ABCB5: variants seen among roughly 807,000 people sequenced by gnomAD.
ABCB5 encodes ATP binding cassette subfamily B member 5, also known as ATP-binding cassette sub-family B member 5.
A neutral mutation model predicts 144.2 loss-of-function variants in ABCB5; 155 were observed. The observed-to-expected ratio is 1.08, with a 90% CI of 0.94 to 1.23. ABCB5 has a LOEUF of 1.23. Among genes scored for constraint, ABCB5 ranks in the 50% most tolerant of loss-of-function variants. ABCB5 has a pLI of 0.00. For missense variants in ABCB5, 1,830 were observed against 1,520.8 expected (o/e 1.20, Z -3.38); for synonymous variants, 610 against 528.6 (o/e 1.15, Z -2.11).
intron 19 of ABCB5, among the ~76,000 whole-genome samples, chr7:20,703,607 A>G (rs1786707261): frequency 1.7e-5 from 1 of 58,206 alleles, no homozygotes; most frequent in African/African-American, 5.1e-5. Context: ...GGGTTGCAGT[A>G]AGCCAAGATT....
At chr7:20,665,436 T>C (rs1033522108) in intron 14 of ABCB5, among the ~76,000 whole-genome samples, 9 of 152,144 alleles carry the variant, frequency 5.9e-5, no homozygotes, top group African/African-American at 2.2e-4. Flanking sequence ...CACAGTCAGG[T>C]AGTTAAGAAA....
intron 1 of ABCB5, among the ~76,000 whole-genome samples, chr7:20,622,301 G>A (rs1044040057): frequency 3.3e-5 from 5 of 152,090 alleles, no homozygotes; most frequent in African/African-American, 7.2e-5. Flanking sequence ...TCAGATTACT[G>A]GAGATGGTGT....
At chr7:20,731,170 T>C (rs1055264593) in intron 23 of ABCB5, among the ~76,000 whole-genome samples, 4 of 151,726 alleles carry the variant, frequency 2.6e-5, no homozygotes, top group Middle Eastern at 3.2e-3. Flanking sequence ...CTGGCCAACA[T>C]GGTGAAACCC....
At chr7:20,636,665 G>A (rs1235593183) in intron 5 of ABCB5, among the ~76,000 whole-genome samples, 1 of 150,996 alleles carries the variant, frequency 6.6e-6, no homozygotes, top group East Asian at 2.0e-4. Flanking sequence ...GGCACCTGTA[G>A]TCCCAGCTAC....
chr7:20,728,194 A>C, intron 22 of ABCB5, 121 bp from the exon 23 acceptor site: 1 of 1,240,158 alleles, frequency 8.1e-7, no homozygotes, highest in African/African-American at 1.5e-5. Flanking sequence ...TCATCATTCG[A>C]AAAATGCCTT....
chr7:20,648,900 G>C (rs901152566), intron 11 of ABCB5, among the ~76,000 whole-genome samples: 3 of 152,018 alleles, frequency 2.0e-5, no homozygotes, highest in African/African-American at 4.8e-5. Flanking sequence ...TATTGGTATA[G>C]TATTGACTTC....
At chr7:20,749,995 C>A (rs1782866456) in intron 26 of ABCB5, among the ~76,000 whole-genome samples, 1 of 152,078 alleles carries the variant, frequency 6.6e-6, no homozygotes, top group African/African-American at 2.4e-5. Context: ...AGGTAAAAAG[C>A]TGGCACTTAA....
In ABCB5 at chr7:20,727,850, C is replaced by T. The variant is rs1003132615; in HGVS notation, c.2727-465C>T. 3.1e-5 allele frequency among the ~76,000 whole-genome samples: 4 copies of T among 128,482 alleles called. No individual in the cohort carries two copies. The East Asian group carries it at 1.4e-3, about 45-fold the overall frequency. The allele number at this position is 128,482 out of a possible 152,430, so 84.3% of individuals were successfully genotyped here. Reference sequence around the variant, plus strand: ...AAACTAGTCCTCCTTATCACATTGACTTAGTGATGCTTTTTATATTACTTT... The same window carrying T: ...AAACTAGTCCTCCTTATCACATTGATTTAGTGATGCTTTTTATATTACTTT... On this transcript the variant is annotated intron_variant, in intron 22 of 27. Coordinates refer to ENST00000404938, the MANE Select transcript of ABCB5 (RefSeq NM_001163941.2).
intron 5 of ABCB5, among the ~76,000 whole-genome samples, chr7:20,635,664 T>C (rs1784142347): frequency 1.3e-5 from 2 of 152,112 alleles, no homozygotes; most frequent in Admixed American, 6.6e-5. Flanking sequence ...TTTGTAGCTA[T>C]TGTAAATGGG....
At chr7:20,638,009 G>A (rs1043228678) in intron 5 of ABCB5, among the ~76,000 whole-genome samples, 2 of 152,166 alleles carry the variant, frequency 1.3e-5, no homozygotes, top group African/African-American at 4.8e-5. Context: ...ATCCCAGGTA[G>A]TTTGGGAGTC....
chr7:20,653,270 ATAAAT>A (rs950865278), intron 13 of ABCB5, among the ~76,000 whole-genome samples: 1 of 152,222 alleles, frequency 6.6e-6, no homozygotes, highest in African/African-American at 2.4e-5. Flanking sequence ...TATAACCAAA[ATAAAT>A]TAAAGATAGT....
intron 20 of ABCB5, among the ~76,000 whole-genome samples, chr7:20,715,491 A>C (rs77431988): frequency 0.028 from 4,300 of 151,910 alleles, 181 homozygotes; most frequent in African/African-American, 0.094. Flanking sequence ...GTTCACTGCA[A>C]CCTCAAACTC....
chr7:20,661,916 C>T (rs1785016661), intron 14 of ABCB5, among the ~76,000 whole-genome samples: 6 of 152,138 alleles, frequency 3.9e-5, no homozygotes, highest in Admixed American at 3.9e-4. Context: ...AGAAGAATTT[C>T]TAGCGTCAGT....
chr7:20,619,718 A>G (rs1221720488), intron 1 of ABCB5, among the ~76,000 whole-genome samples: 1 of 152,138 alleles, frequency 6.6e-6, no homozygotes. Context: ...TTCTGTCACA[A>G]TTGCTTTGAG....
intron 2 of ABCB5, 134 bp downstream of exon 2, chr7:20,623,472 A>G (rs1783842894): frequency 2.8e-6 from 2 of 714,542 alleles, no homozygotes; most frequent in Admixed American, 5.6e-5. Context: ...CTGAACTTGA[A>G]CATAAGCAGT....
At position 20,658,677 on chromosome 7, in the gene ABCB5, G is replaced by T; in HGVS notation, c.1707+1G>T. 10 of 1,613,166 alleles carry T rather than the reference G, an allele frequency of 6.2e-6. No individual in the cohort carries two copies. Among genetic ancestry groups the T allele is most frequent in the Non-Finnish European group, 8.5e-6 (10 of 1,179,740 alleles). ...AGCTGTTCAAGCTGCACTGGAGAAG[G>T]TAAGTGAGCAGAAACGTTTCTTATT... On this transcript the variant is annotated splice_donor_variant, in intron 14 of 27. Coordinates refer to ENST00000404938, the MANE Select transcript of ABCB5 (RefSeq NM_001163941.2). LOFTEE classifies it high-confidence loss of function.
chr7:20,647,995 G>T lies in ABCB5; in HGVS notation c.1123G>T (p.Ala375Ser). The change falls in exon 11 of 28, where the codon GCT becomes TCT. Residue 375 changes from alanine to serine, a missense_variant. Physicochemically the swap from Ala to Ser is moderately conservative, Grantham distance 99. Transcript: ENST00000404938. ...KKPSIDNFST[A>S]GYKPESIEGT... ...ACCCAGTATAGATAACTTTTCCACA[G>T]CTGGATATAAACCTGAATCCATAGA... is the stretch of plus-strand genomic sequence containing the variant. 1 of 1,610,652 alleles carries T rather than the reference G, an allele frequency of 6.2e-7. No homozygotes were observed. The highest frequency in any genetic ancestry group is 8.5e-7 in the Non-Finnish European group (1 of 1,177,376).
At chr7:20,704,632 G>C (rs1469563169) in intron 19 of ABCB5, 92 bp from the exon 20 acceptor site, 6 of 901,690 alleles carry the variant, frequency 6.7e-6, no homozygotes, top group Admixed American at 2.1e-5. Context: ...TGAGGAGGCA[G>C]GTAAATGTTT....
chr7:20,712,981 T>C (rs983022485), intron 20 of ABCB5, among the ~76,000 whole-genome samples: 6 of 149,724 alleles, frequency 4.0e-5, no homozygotes, highest in Non-Finnish European at 7.4e-5. Context: ...TACCACGATA[T>C]ACAACAGATC....
Sources: gnomAD v4.1 joint callset for allele counts (sites outside exome capture counted in the v4.1 genomes callset) on GRCh38, gnomAD v4.1.1 for gene constraint, MANE v1.5 for transcripts, NCBI Gene and HGNC (gene_info 2026-07-23, HGNC 2026-07-21) for gene names.